The following SMARCAD1 variants were observed in gnomAD, a reference collection of about 807,000 sequenced individuals.
SMARCAD1 encodes SNF2 related chromatin remodeling ATPase with DExD box 1.
Under a neutral mutation model 127.1 loss-of-function variants are expected in SMARCAD1, and 25 were observed. The observed-to-expected ratio is 0.20, with a 90% confidence interval of 0.14 to 0.27. The LOEUF is 0.27. SMARCAD1 is among the 10% of genes least tolerant of loss of function. The pLI is 1.00. For missense variants in SMARCAD1, 807 were observed against 1,206.0 expected (o/e 0.67, Z 4.90); for synonymous variants, 400 against 396.9 (o/e 1.01, Z -0.09).
intron 3 of SMARCAD1, among the ~76,000 whole-genome samples, chr4:94,226,874 T>TTC (rs978859106): frequency 6.6e-6 from 1 of 151,756 alleles, no homozygotes; most frequent in African/African-American, 2.4e-5. Context: ...TTTTTTTTTT[T>TTC]CTTGTTTTTT....
intron 2 of SMARCAD1, among the ~76,000 whole-genome samples, chr4:94,220,274 A>C (rs282447): frequency 6.6e-6 from 1 of 151,604 alleles, no homozygotes; most frequent in Non-Finnish European, 1.5e-5. Context: ...TTGAGATGGA[A>C]TTTTGCTTTG....
At chr4:94,223,993 T>C (rs1284299067) in intron 2 of SMARCAD1, among the ~76,000 whole-genome samples, 1 of 152,100 alleles carries the variant, frequency 6.6e-6, no homozygotes, top group Non-Finnish European at 1.5e-5. Flanking sequence ...AAATTTTTAG[T>C]TTTATGTATT....
intron 2 of SMARCAD1, among the ~76,000 whole-genome samples, chr4:94,218,449 C>G (rs762359751): frequency 1.3e-5 from 2 of 151,914 alleles, no homozygotes; most frequent in African/African-American, 4.8e-5. Flanking sequence ...TGCATCACGA[C>G]GCCCAGCTAA....
chr4:94,266,406 A>G (rs964487601), intron 10 of SMARCAD1, among the ~76,000 whole-genome samples: 14 of 152,158 alleles, frequency 9.2e-5, no homozygotes, highest in African/African-American at 3.4e-4. Flanking sequence ...TTTAAATGAA[A>G]TACTTAATAG....
At chr4:94,282,037 C>T (rs1754108839) in intron 21 of SMARCAD1, among the ~76,000 whole-genome samples, 1 of 147,440 alleles carries the variant, frequency 6.8e-6, no homozygotes, top group African/African-American at 2.5e-5. Context: ...GGGACCCTAT[C>T]TCAAAAAATA....
intron 2 of SMARCAD1, among the ~76,000 whole-genome samples, chr4:94,217,194 T>C (rs1419754803): frequency 1.3e-5 from 2 of 152,216 alleles, no homozygotes; most frequent in Non-Finnish European, 2.9e-5. Context: ...CTGAATTTTA[T>C]TTCATTATAG....
upstream of SMARCAD1, chr4:94,207,864 C>T (rs1741434112): frequency 1.2e-5 from 4 of 333,942 alleles, no homozygotes; most frequent in South Asian, 9.8e-5. Flanking sequence ...GGGATCGCGC[C>T]GCGTCAACTT....
intron 6 of SMARCAD1, among the ~76,000 whole-genome samples, chr4:94,247,597 G>A (rs1393191705): frequency 6.6e-6 from 1 of 152,148 alleles, no homozygotes; most frequent in Non-Finnish European, 1.5e-5. Flanking sequence ...TACATTCACA[G>A]TGTTGTATAC....
rs534336321 is a variant in SMARCAD1 at position 94,279,681 on chromosome 4, A to G, written c.2418+631A>G. Among the ~76,000 whole-genome samples the G allele has an allele frequency of 2.6e-5, 4 of 152,284 alleles. No individual in the cohort carries two copies. In the South Asian group the frequency reaches 8.3e-4, roughly 32 times the overall value. On this transcript the variant is annotated intron_variant, in intron 19 of 23. Transcript: ENST00000354268. The stretch of plus-strand genomic sequence containing the variant: ...TTTTGCCTACAAAGCCTAAAATATG[A>G]TCTGGCCCTTTACAGGAACAGTTTG...
intron 9 of SMARCAD1, among the ~76,000 whole-genome samples, chr4:94,260,336 CTTTTTA>C (rs1264733222): frequency 2.0e-5 from 3 of 152,016 alleles, no homozygotes; most frequent in Non-Finnish European, 4.4e-5. Flanking sequence ...AAAATTAATA[CTTTTTA>C]TTTTATTTTT....
chr4:94,230,580 T>A (rs1342769204), intron 3 of SMARCAD1, among the ~76,000 whole-genome samples: 1 of 152,138 alleles, frequency 6.6e-6, no homozygotes, highest in African/African-American at 2.4e-5. Flanking sequence ...TTAGGATGGT[T>A]AGTTAAGTAT....
intron 9 of SMARCAD1, among the ~76,000 whole-genome samples, chr4:94,263,088 G>A (rs1179198262): frequency 1.3e-5 from 2 of 152,002 alleles, no homozygotes; most frequent in Non-Finnish European, 2.9e-5. Flanking sequence ...AGATTTGGTA[G>A]GCTAGTCTTG....
chr4:94,236,927 CATT>C, intron 4 of SMARCAD1, 22 bp from the exon 5 acceptor site: 2 of 1,582,068 alleles, frequency 1.3e-6, no homozygotes, highest in Non-Finnish European at 8.7e-7. Flanking sequence ...TGATTTAAAA[CATT>C]AATCTTTTCT....
intron 4 of SMARCAD1, among the ~76,000 whole-genome samples, chr4:94,236,615 A>G (rs1449536100): frequency 6.6e-6 from 1 of 152,144 alleles, no homozygotes; most frequent in East Asian, 1.9e-4. Flanking sequence ...ACAGGCACGG[A>G]GTGGCCTGGA....
chr4:94,234,813 A>C (rs57274622), intron 4 of SMARCAD1, among the ~76,000 whole-genome samples: 1 of 152,266 alleles, frequency 6.6e-6, no homozygotes, highest in South Asian at 2.1e-4. Flanking sequence ...CGCTGCTACC[A>C]CTACCAGTTC....
At position 94,264,668 on chromosome 4, in the gene SMARCAD1, G is replaced by A. The variant is rs761090905; in HGVS notation, c.1282-39G>A. The A allele has an allele frequency of 8.3e-6, 13 of 1,563,726 alleles. No individual in the cohort carries two copies. In the East Asian group the frequency reaches 2.9e-4, roughly 35 times the overall value. On this transcript the variant is annotated intron_variant, in intron 9 of 23. Coordinates refer to ENST00000354268, the MANE Select transcript of SMARCAD1 (RefSeq NM_020159.5). The stretch of plus-strand genomic sequence containing the variant: ...ATCAGGATTGCCTTTCTCTTTCCTA[G>A]ATCTGAACTATTCAATTATTTTTCT...
chr4:94,212,419 C>T (rs866970013), intron 2 of SMARCAD1, among the ~76,000 whole-genome samples: 3 of 152,270 alleles, frequency 2.0e-5, no homozygotes, highest in Middle Eastern at 3.4e-3. Context: ...AAGTGATCCA[C>T]GTGCCTTGGC....
rs569834252 is a variant in SMARCAD1, at chr4:94,281,424, T to G, written c.2608-48T>G. The G allele has an allele frequency of 1.7e-5, 22 of 1,266,292 alleles. No homozygotes were observed. In the African/African-American group the frequency reaches 3.2e-4, roughly 19 times the overall value. The allele number at this position is 1,266,292 out of a possible 1,614,324, so 78.4% of individuals were successfully genotyped here. On this transcript the variant is annotated intron_variant, in intron 20 of 23. Transcript: ENST00000354268. The stretch of plus-strand genomic sequence containing the variant: ...TGTTTAAACCTGTCAAGGCTTTGAG[T>G]AGTAAAACGATTTTTTCTATTTCTA...
intron 19 of SMARCAD1, among the ~76,000 whole-genome samples, 180 bp from the exon 20 acceptor site, chr4:94,280,412 G>T (rs959438608): frequency 6.6e-6 from 1 of 152,028 alleles, no homozygotes; most frequent in Non-Finnish European, 1.5e-5. Context: ...AAACAGTAAG[G>T]ACTTCTCCCC....
Sources: allele counts gnomAD v4.1 joint callset (sites outside exome capture counted in the v4.1 genomes callset), GRCh38; gene constraint gnomAD v4.1.1; transcripts MANE v1.5; gene names NCBI Gene and HGNC (gene_info 2026-07-23, HGNC 2026-07-21).